Variants in PIK3R2 observed in about 807,000 individuals in gnomAD.
PIK3R2 encodes phosphatidylinositol 3-kinase regulatory subunit beta.
A neutral mutation model predicts 78.5 loss-of-function variants in PIK3R2; 40 were observed. The observed-to-expected ratio is 0.51, with a 90% CI of 0.40 to 0.66. The LOEUF (loss-of-function observed/expected upper bound fraction) is 0.66, where lower values mean the gene tolerates loss of function less well. Ranked by LOEUF, PIK3R2 falls within the 30% of genes least tolerant of loss-of-function variation. The pLI, the probability that PIK3R2 is intolerant of heterozygous loss-of-function variation, is 0.00. For missense variants in PIK3R2, 880 were observed against 1,026.6 expected (o/e 0.86, Z 1.95); for synonymous variants, 473 against 457.7 (o/e 1.03, Z -0.43).
At chr19:18,162,668 G>A (rs1196831755) in intron 9 of PIK3R2, 162 bp downstream of exon 9, 1 of 640,968 alleles carries the variant, frequency 1.6e-6, no homozygotes, top group Non-Finnish European at 2.7e-6. Context: ...CAGAACACCT[G>A]AGGTCAGGAG....
At chr19:18,163,476 G>C (rs575257649) in intron 11 of PIK3R2, 88 bp downstream of exon 11, 3 of 1,429,082 alleles carry the variant, frequency 2.1e-6, no homozygotes, top group African/African-American at 2.8e-5. Context: ...CAGAGGACTT[G>C]AGGATGAATA....
intron 11 of PIK3R2, among the ~76,000 whole-genome samples, chr19:18,164,558 G>A (rs1483086011): frequency 6.6e-6 from 1 of 152,066 alleles, no homozygotes; most frequent in Non-Finnish European, 1.5e-5. Flanking sequence ...AGTTAAGAGG[G>A]AATAGATTCA....
At chr19:18,166,016 G>C in intron 11 of PIK3R2, 144 bp from the exon 12 acceptor site, 1 of 1,014,394 alleles carries the variant, frequency 9.9e-7, no homozygotes, top group South Asian at 1.3e-5. Flanking sequence ...GAGTTCATTT[G>C]GTGCAGCAGG....
intron 1 of PIK3R2, among the ~76,000 whole-genome samples, chr19:18,154,085 A>G (rs1484449676): frequency 1.3e-5 from 2 of 151,898 alleles, no homozygotes; most frequent in Admixed American, 6.6e-5. Flanking sequence ...TTGACAAGCA[A>G]CTTAACCCAC....
In PIK3R2 at chr19:18,163,079, G is replaced by A. The variant is rs1389196592; in HGVS notation, c.1222G>A (p.Glu408Lys). The change falls in exon 10 of 16, where the codon GAG becomes AAG. Residue 408 changes from glutamate to lysine, a missense_variant. Coordinates refer to ENST00000222254, the MANE Select transcript of PIK3R2 (RefSeq NM_005027.4). ...GGACCTCATCAATCACTACCGCCAC[G>A]AGTCTCTGGCCCAGTACAATGCCAA... The part of the protein sequence containing the change: ...VVDLINHYRH[E>K]SLAQYNAKLD... The A allele has an allele frequency of 5.0e-6, 8 of 1,613,590 alleles. No homozygotes were observed. The highest frequency in any genetic ancestry group is 2.2e-5 in the East Asian group (1 of 44,824).
At position 18,170,151 on chromosome 19, in the gene PIK3R2, T is replaced by G. The variant is rs1407883914; in HGVS notation, c.*857T>G. On this transcript the variant is annotated 3_prime_UTR_variant, in exon 16 of 16. Transcript: ENST00000222254. ...TGAACCCAGGAGATGGAGGTTGCAG[T>G]GAGCAGAGATCGTGCCACTGCACTC... 6.5e-6 allele frequency: 1 copy of G among 154,802 alleles called. No homozygotes were observed. Among genetic ancestry groups the G allele is most frequent in the Non-Finnish European group, 1.4e-5 (1 of 69,452 alleles). 9.6% of individuals were successfully genotyped at this position (154,802 alleles called of 1,614,324 possible). A position where few individuals can be genotyped will look rare whatever the true frequency, so the allele number is the denominator to read the frequency against.
Position 18,161,930 on chromosome 19 carries a change from C to G in PIK3R2, c.816-36C>G, listed in dbSNP as rs1390784792. The G allele has an allele frequency of 6.4e-7, 1 of 1,574,078 alleles. No individual in the cohort carries two copies. Among genetic ancestry groups the G allele is most frequent in the Non-Finnish European group, 8.7e-7 (1 of 1,143,832 alleles). ...GTGCACATGCGTGGGCGGACAGGCCCTACCCAGCCCTCACCACACTCCCCT... is the reference window on the plus strand; with the variant it reads ...GTGCACATGCGTGGGCGGACAGGCCGTACCCAGCCCTCACCACACTCCCCT... On this transcript the variant is annotated intron_variant, in intron 6 of 15. Coordinates refer to ENST00000222254, the MANE Select transcript of PIK3R2 (RefSeq NM_005027.4). The surrounding 1 kb of genome is among the most constrained non-coding windows in gnomAD (Gnocchi z 5.3).
rs1286238914 is a variant in PIK3R2, at chr19:18,167,143, T to G, written c.1573T>G (p.Ser525Ala). 1 of 1,589,330 alleles carries G rather than the reference T, an allele frequency of 6.3e-7. No individual in the cohort carries two copies. Among genetic ancestry groups the G allele is most frequent in the Non-Finnish European group, 8.6e-7 (1 of 1,166,602 alleles). The change falls in exon 13 of 16, where the codon TCC becomes GCC. Residue 525 changes from serine to alanine, a missense_variant. Ser to Ala is a moderately conservative substitution (Grantham distance 99, BLOSUM62 1). Transcript: ENST00000222254. The surrounding 1 kb of genome is among the most constrained non-coding windows in gnomAD (Gnocchi z 4.5). ...EKEMQRILLN[S>A]ERLKSRIAEI... ...CCCCTCCCACAGGATCCTGCTGAAC[T>G]CCGAGCGGCTCAAGTCCCGCATTGC...
rs2147953321 is a variant in PIK3R2, at chr19:18,163,119, T to C, written c.1262T>C (p.Leu421Pro). Residue 421 changes from leucine to proline, a missense_variant, in exon 10 of 16, where the codon CTC becomes CCC. Transcript: ENST00000222254. The stretch of plus-strand genomic sequence containing the variant: ...TACAATGCCAAGCTGGACACACGGC[T>C]CCTCTACCCTGTGTCCAAATACCAG... ...AQYNAKLDTR[L>P]LYPVSKYQQD... 1 of 1,613,798 alleles carries C rather than the reference T, an allele frequency of 6.2e-7. No homozygotes were observed. Among genetic ancestry groups the C allele is most frequent in the Non-Finnish European group, 8.5e-7 (1 of 1,179,974 alleles).
At position 18,163,402 on chromosome 19, in the gene PIK3R2, C is replaced by T. The variant is rs764922883; in HGVS notation, c.1416+14C>T. ...CGGACCTCCCAGGTACTCCAGGCCC[C>T]GTACATGAGGGAAACCGAGACATAG... On this transcript the variant is annotated intron_variant, in intron 11 of 15. Coordinates refer to ENST00000222254, the MANE Select transcript of PIK3R2 (RefSeq NM_005027.4). 2.6e-5 allele frequency: 42 copies of T among 1,613,654 alleles called. No homozygotes were observed. In the East Asian group the frequency reaches 8.9e-4, roughly 34 times the overall value.
chr19:18,153,513 C>T (rs2043641945), intron 1 of PIK3R2, among the ~76,000 whole-genome samples: 2 of 152,284 alleles, frequency 1.3e-5, no homozygotes, highest in Admixed American at 6.5e-5. Flanking sequence ...TGGGGAGAGA[C>T]TCCCCGCGTC....
In PIK3R2 at chr19:18,155,836, A is replaced by C; in HGVS notation, c.-44A>C. 6.7e-7 allele frequency: 1 copy of C among 1,484,784 alleles called. No homozygotes were observed. Among genetic ancestry groups the C allele is most frequent in the East Asian group, 2.6e-5 (1 of 38,964 alleles). The allele number at this position is 1,484,784 out of a possible 1,614,324, so 92.0% of individuals were successfully genotyped here. The stretch of plus-strand genomic sequence containing the variant: ...CAACCAATGGGGCCAGTGGGGCTCC[A>C]AGCAGCCACCTAACCATCCAGACCC... On this transcript the variant is annotated 5_prime_UTR_variant, in exon 2 of 16. Transcript: ENST00000222254.
Position 18,160,509 on chromosome 19 carries a change from C to T in PIK3R2, c.361C>T (p.Pro121Ser), listed in dbSNP as rs745653323. The change falls in exon 3 of 16, where the codon CCT (proline) becomes TCT (serine). Residue 121 changes from proline to serine, a missense_variant. By Grantham distance (74) the Pro-to-Ser change is moderately conservative. Coordinates refer to ENST00000222254, the MANE Select transcript of PIK3R2 (RefSeq NM_005027.4). ...CGACTTGCCCGAGCAGTTCTCCCCA[C>T]CTGATGTGGCTCCCCCTCTTCTGGT... ...LPDLPEQFSP[P>S]DVAPPLLVKL... 11 of 1,613,916 alleles carry T rather than the reference C, an allele frequency of 6.8e-6. No homozygotes were observed. The highest frequency in any genetic ancestry group is 4.4e-5 in the South Asian group (4 of 91,088).
At position 18,164,856 on chromosome 19, in the gene PIK3R2, G is replaced by A. The variant is rs546262393; in HGVS notation, c.1417-1304G>A. On this transcript the variant is annotated intron_variant, in intron 11 of 15. Transcript: ENST00000222254. ...TTGCTGTGTTGGCCAGGCTGGTCTC[G>A]AACTCCTGGCCTCAAGTGATCTGGC... Among the ~76,000 whole-genome samples, 29 of 143,694 alleles carry A rather than the reference G, an allele frequency of 2.0e-4. No homozygotes were observed. The South Asian group carries it at 4.2e-3, about 21-fold the overall frequency. 94.3% of individuals were successfully genotyped at this position (143,694 alleles called of 152,430 possible).
intron 2 of PIK3R2, among the ~76,000 whole-genome samples, chr19:18,160,051 TAC>T (rs1285097558): frequency 6.6e-6 from 1 of 152,178 alleles, no homozygotes; most frequent in Non-Finnish European, 1.5e-5. Flanking sequence ...TTTCTCTTGT[TAC>T]AAGGACATCA....
At chr19:18,158,588 C>T (rs1037474686) in intron 2 of PIK3R2, among the ~76,000 whole-genome samples, 1 of 151,240 alleles carries the variant, frequency 6.6e-6, no homozygotes, top group African/African-American at 2.4e-5. Flanking sequence ...GCTAGGATTG[C>T]GCCACTGCAC....
At chr19:18,157,253 G>C (rs116015407) in intron 2 of PIK3R2, among the ~76,000 whole-genome samples, 1 of 152,210 alleles carries the variant, frequency 6.6e-6, no homozygotes, top group Non-Finnish European at 1.5e-5. Flanking sequence ...GTCCTGCCTC[G>C]GCCTGAAGGA....
chr19:18,154,930 A>T (rs1315803520), intron 1 of PIK3R2, among the ~76,000 whole-genome samples: 1 of 151,390 alleles, frequency 6.6e-6, no homozygotes, highest in Admixed American at 6.6e-5. Context: ...AAAAAAAAAA[A>T]AGGCTGGGCA....
At chr19:18,164,031 C>T (rs1165136623) in intron 11 of PIK3R2, among the ~76,000 whole-genome samples, 1 of 148,526 alleles carries the variant, frequency 6.7e-6, no homozygotes, top group Non-Finnish European at 1.5e-5. Context: ...GAGGCTGAGG[C>T]AGGAGAATCG....
Sources: gnomAD v4.1 joint callset for allele counts (sites outside exome capture counted in the v4.1 genomes callset) on GRCh38, gnomAD v4.1.1 for gene constraint, Gnocchi (gnomAD v3.1) non-coding constraint, MANE v1.5 for transcripts, NCBI Gene and HGNC (gene_info 2026-07-23, HGNC 2026-07-21) for gene names.